ROCK2: variants seen among roughly 807,000 people sequenced by gnomAD.
ROCK2 encodes rho-associated protein kinase 2.
ROCK2 carries 61 observed loss-of-function variants against 195.1 expected under a neutral mutation model. The ratio of observed to expected loss-of-function variants is 0.31; its 90% confidence interval spans 0.25 to 0.39. The LOEUF is 0.39. ROCK2 is among the 10% of genes least tolerant of loss of function. The pLI, the probability that ROCK2 is intolerant of heterozygous loss-of-function variation, is 1.00. For missense variants in ROCK2, 1,109 were observed against 1,637.4 expected (o/e 0.68, Z 5.57); for synonymous variants, 504 against 545.5 (o/e 0.92, Z 1.06).
In ROCK2 at chr2:11,232,110, G is replaced by C. The variant is rs1665034759; in HGVS notation, c.723+3592C>G. On this transcript the variant is annotated intron_variant, in intron 5 of 32. Coordinates refer to ENST00000315872, the MANE Select transcript of ROCK2 (RefSeq NM_004850.5). ...CACAGTCCCTTCTGTAAGTGGATGA[G>C]AATAAAACTATGGACATTTCTTTTT... 2.7e-5 allele frequency among the ~76,000 whole-genome samples: 4 copies of C among 150,026 alleles called. No homozygotes were observed. In the Admixed American group the frequency reaches 2.7e-4, roughly 10 times the overall value.
At chr2:11,272,645 C>T (rs537035529) in intron 3 of ROCK2, among the ~76,000 whole-genome samples, 96 of 151,882 alleles carry the variant, frequency 6.3e-4, no homozygotes, top group Non-Finnish European at 1.1e-3. Flanking sequence ...TTTGGGAGGC[C>T]GAGGCAGGTG....
chr2:11,292,184 T>C (rs576408992), intron 1 of ROCK2, among the ~76,000 whole-genome samples: 2 of 152,346 alleles, frequency 1.3e-5, no homozygotes, highest in East Asian at 3.9e-4. Flanking sequence ...TCATAGACTG[T>C]AAATAATACC....
chr2:11,338,372 A>C (rs1364624379), intron 1 of ROCK2, among the ~76,000 whole-genome samples: 1 of 152,174 alleles, frequency 6.6e-6, no homozygotes, highest in Non-Finnish European at 1.5e-5. Flanking sequence ...TCAAGCCAAA[A>C]TATATAATAC....
chr2:11,342,081 A>T (rs927369561), intron 1 of ROCK2, among the ~76,000 whole-genome samples: 2 of 152,166 alleles, frequency 1.3e-5, no homozygotes, highest in East Asian at 1.9e-4. Flanking sequence ...TTATAAAAAA[A>T]TTTTTAAATT....
intron 1 of ROCK2, among the ~76,000 whole-genome samples, chr2:11,295,687 T>C (rs997349052): frequency 1.3e-5 from 2 of 152,194 alleles, no homozygotes; most frequent in African/African-American, 4.8e-5. Context: ...CCTGGCATGA[T>C]GGCTCACGCC....
At chr2:11,212,099 G>T (rs898682847) in intron 17 of ROCK2, among the ~76,000 whole-genome samples, 1 of 151,684 alleles carries the variant, frequency 6.6e-6, no homozygotes, top group African/African-American at 2.4e-5. Flanking sequence ...TTTTAATGTA[G>T]AGACAAGGTC....
At position 11,344,584 on chromosome 2, in the gene ROCK2, T is replaced by TGCAGTCCCTCAGCCAGCTCCCGGCGCAC. The variant is rs1669229992; in HGVS notation, c.-476_-449dup. 1.4e-6 allele frequency: 1 copy of TGCAGTCCCTCAGCCAGCTCCCGGCGCAC among 715,822 alleles called. No individual in the cohort carries two copies. The highest frequency in any genetic ancestry group is 1.7e-6 in the Non-Finnish European group (1 of 589,816). The allele number at this position is 715,822 out of a possible 1,614,324, so 44.3% of individuals were successfully genotyped here. ...CTGCCATGGTCGCCGCCGGCCGCCTTGCAGTCCCTCAGCCAGCTCCCGGCG... is the reference window on the plus strand; with the variant it reads ...CTGCCATGGTCGCCGCCGGCCGCCTTGCAGTCCCTCAGCCAGCTCCCGGCGCACGCAGTCCCTCAGCCAGCTCCCGGCG... On this transcript the variant is annotated 5_prime_UTR_variant, in exon 1 of 33. Transcript: ENST00000315872. The surrounding 1 kb of genome is among the most constrained non-coding windows in gnomAD (Gnocchi z 5.4).
intron 4 of ROCK2, among the ~76,000 whole-genome samples, chr2:11,242,731 A>C (rs1401927207): frequency 6.6e-6 from 1 of 152,120 alleles, no homozygotes. Flanking sequence ...TAAACTCCCC[A>C]CCCAGGGAGG....
intron 3 of ROCK2, among the ~76,000 whole-genome samples, chr2:11,258,291 C>G (rs1666105811): frequency 6.6e-6 from 1 of 151,348 alleles, no homozygotes; most frequent in South Asian, 2.1e-4. Context: ...GCAGTATTTC[C>G]CAAACTTCAT....
chr2:11,322,495 G>T (rs1408003590), intron 1 of ROCK2, among the ~76,000 whole-genome samples: 5 of 151,756 alleles, frequency 3.3e-5, no homozygotes, highest in African/African-American at 1.2e-4. Context: ...GAATGCATTA[G>T]AAGAGCATCC....
chr2:11,202,974 G>C (rs1405990712), intron 20 of ROCK2, among the ~76,000 whole-genome samples: 2 of 152,128 alleles, frequency 1.3e-5, no homozygotes, highest in East Asian at 3.8e-4. Context: ...ATGCCTGGGA[G>C]GGGGCTTCTG....
At chr2:11,306,141 C>G (rs1038212920) in intron 1 of ROCK2, among the ~76,000 whole-genome samples, 2 of 152,146 alleles carry the variant, frequency 1.3e-5, no homozygotes, top group Non-Finnish European at 2.9e-5. Flanking sequence ...ATTATTTGGA[C>G]AGTTGACAAA....
rs766535916 is a variant in ROCK2 at position 11,194,358 on chromosome 2, G to GAGAAA, written c.3520-19_3520-15dup. The GAGAAA allele has an allele frequency of 8.5e-7, 1 of 1,181,340 alleles. No individual in the cohort carries two copies. Among genetic ancestry groups the GAGAAA allele is most frequent in the Admixed American group, 2.5e-5 (1 of 40,516 alleles). 73.2% of individuals were successfully genotyped at this position (1,181,340 alleles called of 1,614,324 possible). A position where few individuals can be genotyped will look rare whatever the true frequency, so the allele number is the denominator to read the frequency against. ...TACAATCACATACTGTTAAAACAGG[G>GAGAAA]AGAAAAGAAATCAGTAATTCAAGTT... On this transcript the variant is annotated splice_polypyrimidine_tract_variant and intron_variant, in intron 28 of 32. Transcript: ENST00000315872.
chr2:11,203,725 C>T (rs1276816470), intron 20 of ROCK2, among the ~76,000 whole-genome samples: 1 of 152,052 alleles, frequency 6.6e-6, no homozygotes, highest in African/African-American at 2.4e-5. Flanking sequence ...TTAACTGTGT[C>T]ATTTCTGTAT....
At chr2:11,183,711 T>C (rs1293356129) in intron 32 of ROCK2, among the ~76,000 whole-genome samples, 1 of 150,620 alleles carries the variant, frequency 6.6e-6, no homozygotes, top group Non-Finnish European at 1.5e-5. Context: ...AACAAGCTAT[T>C]AGGGTTAAAC....
Position 11,200,808 on chromosome 2 carries a change from T to C in ROCK2, c.2910+149A>G, listed in dbSNP as rs971147837. Reference sequence around the variant, plus strand: ...CTTTTAGTAAGCTCCTCTGACAACATTGAGAAGGTGGCAGTTAACTAGATT... The same window carrying C: ...CTTTTAGTAAGCTCCTCTGACAACACTGAGAAGGTGGCAGTTAACTAGATT... On this transcript the variant is annotated intron_variant, in intron 23 of 32. Transcript: ENST00000315872. 33 of 590,348 alleles carry C rather than the reference T, an allele frequency of 5.6e-5. No homozygotes were observed. In the Middle Eastern group the frequency reaches 1.4e-3, roughly 25 times the overall value. The allele number at this position is 590,348 out of a possible 1,614,324, so 36.6% of individuals were successfully genotyped here.
At chr2:11,262,087 C>T (rs2148147992) in intron 3 of ROCK2, among the ~76,000 whole-genome samples, 1 of 152,238 alleles carries the variant, frequency 6.6e-6, no homozygotes, top group East Asian at 1.9e-4. Context: ...TGTAGTATGA[C>T]ATGAATTTCC....
chr2:11,211,884 G>C, intron 17 of ROCK2, 44 bp from the exon 18 acceptor site: 1 of 1,434,756 alleles, frequency 7.0e-7, no homozygotes. Flanking sequence ...AAAGAGACTA[G>C]CTCACAATTT....
intron 1 of ROCK2, among the ~76,000 whole-genome samples, chr2:11,331,053 G>GAGA: frequency 6.7e-6 from 1 of 149,014 alleles, no homozygotes; most frequent in Non-Finnish European, 1.5e-5. Context: ...GGAGGAGGAG[G>GAGA]AGGAGAAGAA....
Sources: allele counts gnomAD v4.1 joint callset (sites outside exome capture counted in the v4.1 genomes callset), GRCh38; gene constraint gnomAD v4.1.1; non-coding constraint Gnocchi (gnomAD v3.1); transcripts MANE v1.5; gene names NCBI Gene and HGNC (gene_info 2026-07-23, HGNC 2026-07-21).